The following C15orf39 variants were observed in gnomAD, a reference collection of about 807,000 sequenced individuals.
C15orf39 encodes the protein uncharacterized protein C15orf39.
C15orf39 carries 24 observed loss-of-function variants against 53.9 expected under a neutral mutation model. The observed-to-expected ratio is 0.45, with a 90% CI of 0.32 to 0.63. The LOEUF is 0.63. Ranked by LOEUF, C15orf39 falls within the 20% of genes least tolerant of loss-of-function variation. The pLI, the probability that C15orf39 is intolerant of heterozygous loss-of-function variation, is 0.04. For synonymous variants in C15orf39, 569 were observed against 576.5 expected, an observed-to-expected ratio of 0.99 and a Z score of 0.19; for missense variants, 1,271 against 1,347.9, an observed-to-expected ratio of 0.94 and a Z score of 0.89.
chr15:75,205,935 C>T, intron 1 of C15orf39, 64 bp from the exon 2 acceptor site: 1 of 1,077,448 alleles, frequency 9.3e-7, no homozygotes, highest in African/African-American at 1.6e-5. Flanking sequence ...AGAGCAGCAG[C>T]CCTCTGTTGC....
At chr15:75,210,712 A>G (rs375834076) in intron 2 of C15orf39, 37 bp from the exon 3 acceptor site, 13 of 1,565,506 alleles carry the variant, frequency 8.3e-6, no homozygotes, top group Non-Finnish European at 1.1e-5. Context: ...ACCTGAGGGT[A>G]TGGGGTCTGC....
At chr15:75,201,379 A>G (rs1219907213), upstream of C15orf39, among the ~76,000 whole-genome samples, 1 of 152,140 alleles carries the variant, frequency 6.6e-6, no homozygotes, top group Non-Finnish European at 1.5e-5. This position sits in a 1 kb window ranked among gnomAD's most constrained non-coding sequence, Gnocchi z 4.7. Flanking sequence ...CCCTAGCAGG[A>G]GTCTGGAAAT....
In C15orf39 at chr15:75,210,941, C is replaced by T; in HGVS notation, c.2969C>T (p.Thr990Ile). 1 of 1,613,446 alleles carries T rather than the reference C, an allele frequency of 6.2e-7. No homozygotes were observed. Among genetic ancestry groups the T allele is most frequent in the Admixed American group, 1.7e-5 (1 of 60,030 alleles). The change falls in exon 3 of 3, where the codon ACC becomes ATC. Residue 990 changes from threonine (T) to isoleucine (I), a missense_variant. Physicochemically the swap from Thr to Ile is moderately conservative, Grantham distance 89. Transcript: ENST00000394987. Reference protein sequence around the residue: ...AGEESCGASPTPATSASPPGP... With the variant: ...AGEESCGASPIPATSASPPGP... ...GAAGAGTCCTGTGGTGCCTCCCCTA[C>T]CCCTGCTACCAGTGCCAGCCCACCT... is the stretch of plus-strand genomic sequence containing the variant.
Position 75,207,013 on chromosome 15 carries a change from G to A in C15orf39, c.965G>A (p.Ser322Asn). ...GGGTACCAGGCTGGTGGGCTGGGCAGCCCCTACCTGAGGCAGCAGGCAGCC... is the reference window on the plus strand; with the variant it reads ...GGGTACCAGGCTGGTGGGCTGGGCAACCCCTACCTGAGGCAGCAGGCAGCC... ...GTGYQAGGLG[S>N]PYLRQQAAQA... Residue 322 changes from serine (S) to asparagine (N), a missense_variant, in exon 2 of 3, where the codon AGC (serine) becomes AAC (asparagine). Coordinates refer to ENST00000394987, the MANE Select transcript of C15orf39 (RefSeq NM_015492.5). The A allele has an allele frequency of 1.9e-6, 3 of 1,604,076 alleles. No homozygotes were observed. Among genetic ancestry groups the A allele is most frequent in the East Asian group, 2.2e-5 (1 of 44,808 alleles).
chr15:75,205,907 T>G, intron 1 of C15orf39, 92 bp from the exon 2 acceptor site: 1 of 834,292 alleles, frequency 1.2e-6, no homozygotes, highest in Admixed American at 2.9e-5. Flanking sequence ...GGTTCTTAGG[T>G]GTAGCCGTGA....
At chr15:75,204,133 T>TG (rs1467527418) in intron 1 of C15orf39, among the ~76,000 whole-genome samples, 1 of 152,246 alleles carries the variant, frequency 6.6e-6, no homozygotes, top group Non-Finnish European at 1.5e-5. Context: ...AGGAGAGGGC[T>TG]GGTCCTTGCT....
rs1194843607 is a variant in C15orf39, at chr15:75,210,772, G to C, written c.2800G>C (p.Ala934Pro). 3 of 1,609,516 alleles carry C rather than the reference G, an allele frequency of 1.9e-6. No individual in the cohort carries two copies. The highest frequency in any genetic ancestry group is 2.6e-6 in the Non-Finnish European group (3 of 1,176,450). ...QLGDFDTEAG[A>P]VSSSEPTVAR... ...AGGTGACTTTGACACTGAGGCTGGAGCTGTGTCCTCCTCAGAGCCCACTGT... is the reference window on the plus strand; with the variant it reads ...AGGTGACTTTGACACTGAGGCTGGACCTGTGTCCTCCTCAGAGCCCACTGT... The change falls in exon 3 of 3, where the codon GCT becomes CCT. Residue 934 changes from alanine (A) to proline (P), a missense_variant. Coordinates refer to ENST00000394987, the MANE Select transcript of C15orf39 (RefSeq NM_015492.5).
chr15:75,203,469 C>G (rs534902370), intron 1 of C15orf39, among the ~76,000 whole-genome samples: 1 of 152,334 alleles, frequency 6.6e-6, no homozygotes, highest in East Asian at 1.9e-4. Context: ...GAGGAGTCGT[C>G]TCCCTTGAGA....
chr15:75,205,029 T>G (rs1014149297), intron 1 of C15orf39, among the ~76,000 whole-genome samples: 1 of 152,046 alleles, frequency 6.6e-6, no homozygotes, highest in Non-Finnish European at 1.5e-5. Context: ...CAGACTGATG[T>G]CCCCAGTTAC....
intron 2 of C15orf39, among the ~76,000 whole-genome samples, chr15:75,210,220 A>G (rs1163253941): frequency 6.6e-6 from 1 of 151,220 alleles, no homozygotes; most frequent in African/African-American, 2.4e-5. Flanking sequence ...CCCTGTCCTC[A>G]CTCCCTCCCA....
At position 75,208,194 on chromosome 15, in the gene C15orf39, G is replaced by T; in HGVS notation, c.2146G>T (p.Val716Leu). Residue 716 changes from valine to leucine, a missense_variant, in exon 2 of 3, where the codon GTG (valine) becomes TTG (leucine). This residue lies in a region of C15orf39 where 994 missense variants were observed against 993.7 expected (regional missense o/e 1.00). Transcript: ENST00000394987. ...LALPSPPAVA[V>L]ASPAPAPAPS... ...ACTGCCCAGCCCTCCAGCCGTAGCT[G>T]TGGCCTCCCCTGCCCCTGCTCCAGC... 6.2e-7 allele frequency: 1 copy of T among 1,613,896 alleles called. No homozygotes were observed. The highest frequency in any genetic ancestry group is 8.5e-7 in the Non-Finnish European group (1 of 1,180,034).
intron 1 of C15orf39, among the ~76,000 whole-genome samples, chr15:75,204,486 CT>C (rs1157930502): frequency 6.6e-6 from 1 of 151,302 alleles, no homozygotes; most frequent in Admixed American, 6.6e-5. Context: ...CTTTTCTTTT[CT>C]TTTTTTTTGT....
rs562910562 is a variant in C15orf39, at chr15:75,209,792, G to A, written c.2777-957G>A. ...AGAAACTGTTCCTAGTTCCATCCCC[G>A]TAGTGGCAGCCTTGCCCCGGGCCCT... On this transcript the variant is annotated intron_variant, in intron 2 of 2. Coordinates refer to ENST00000394987, the MANE Select transcript of C15orf39 (RefSeq NM_015492.5). 5.9e-5 allele frequency among the ~76,000 whole-genome samples: 9 copies of A among 152,258 alleles called. No homozygotes were observed. The East Asian group carries it at 1.5e-3, about 26-fold the overall frequency.
In C15orf39 at chr15:75,210,936, C is replaced by A; in HGVS notation, c.2964C>A (p.Ser988=). Residue 988 remains serine, a synonymous_variant, in exon 3 of 3, where the codon TCC becomes TCA. Transcript: ENST00000394987. ...CTGGGGAAGAGTCCTGTGGTGCCTC[C>A]CCTACCCCTGCTACCAGTGCCAGCC... ...AAAGEESCGA[S]PTPATSASPP... The A allele has an allele frequency of 6.2e-7, 1 of 1,613,454 alleles. No homozygotes were observed. The highest frequency in any genetic ancestry group is 8.5e-7 in the Non-Finnish European group (1 of 1,179,998).
Position 75,211,996 on chromosome 15 carries a change from G to C in C15orf39, c.*880G>C, listed in dbSNP as rs1447762915. The C allele has an allele frequency of 2.6e-5, 4 of 152,250 alleles. No individual in the cohort carries two copies. The highest frequency in any genetic ancestry group is 9.6e-5 in the African/African-American group (4 of 41,456). The allele number at this position is 152,250 out of a possible 1,614,324, so 9.4% of individuals were successfully genotyped here. A position where few individuals can be genotyped will look rare whatever the true frequency, so the allele number is the denominator to read the frequency against. On this transcript the variant is annotated 3_prime_UTR_variant, in exon 3 of 3. Coordinates refer to ENST00000394987, the MANE Select transcript of C15orf39 (RefSeq NM_015492.5). Reference sequence around the variant, plus strand: ...GAAGGTCTCTGAAGATCTGGACTGAGGACCCTGCTGCTCCCCAAGCCAGAG... The same window carrying C: ...GAAGGTCTCTGAAGATCTGGACTGACGACCCTGCTGCTCCCCAAGCCAGAG...
At chr15:75,204,454 C>T (rs1284703687) in intron 1 of C15orf39, among the ~76,000 whole-genome samples, 4 of 152,166 alleles carry the variant, frequency 2.6e-5, no homozygotes, top group African/African-American at 9.7e-5. Flanking sequence ...CTGGGGCCTC[C>T]CTCCCTGGAC....
rs3743211 is a variant in C15orf39, at chr15:75,210,806, G to A, written c.2834G>A (p.Gly945Asp). 1,598,973 of 1,613,908 alleles carry A rather than the reference G, an allele frequency of 0.99. 792,783 individuals carry two copies. Among genetic ancestry groups the A allele is most frequent in the Non-Finnish European group, 1 (1,179,418 of 1,179,998 alleles). Reference sequence around the variant, plus strand: ...TCCTCAGAGCCCACTGTGGCCAGAGGTGAGCCAGAGAGCCTAGCCCTGGCT... The same window carrying A: ...TCCTCAGAGCCCACTGTGGCCAGAGATGAGCCAGAGAGCCTAGCCCTGGCT... ...VSSSEPTVARGEPESLALAQK... is the reference protein window; with the variant it reads ...VSSSEPTVARDEPESLALAQK... Residue 945 changes from glycine (G) to aspartate (D), a missense_variant, in exon 3 of 3, where the codon GGT becomes GAT. This residue lies in a region of C15orf39 where 277 missense variants were observed against 354.1 expected (regional missense o/e 0.78). Coordinates refer to ENST00000394987, the MANE Select transcript of C15orf39 (RefSeq NM_015492.5).
chr15:75,211,273 AG>A lies in C15orf39; in HGVS notation c.*158del. 3.1e-6 allele frequency: 3 copies of A among 975,776 alleles called. No homozygotes were observed. The East Asian group carries it at 7.9e-5, about 26-fold the overall frequency. 60.4% of individuals were successfully genotyped at this position (975,776 alleles called of 1,614,324 possible). A position where few individuals can be genotyped will look rare whatever the true frequency, so the allele number is the denominator to read the frequency against. ...GTGGCCCATTCAGGGTGGGCTGAAG[AG>A]CCCCTGAGCTTTTAACGTGAGGGTC... On this transcript the variant is annotated 3_prime_UTR_variant, in exon 3 of 3. Coordinates refer to ENST00000394987, the MANE Select transcript of C15orf39 (RefSeq NM_015492.5).
chr15:75,208,571 C>T lies in C15orf39; in HGVS notation c.2523C>T (p.Ala841=), dbSNP rs1461099024. The change falls in exon 2 of 3, where the codon GCC becomes GCT. Residue 841 remains alanine, a synonymous_variant. Coordinates refer to ENST00000394987, the MANE Select transcript of C15orf39 (RefSeq NM_015492.5). ...TCCCCCATGTGGTGCGAGCTGGCGC[C>T]ATCTTCGTGCCCATTCACCTGGTGA... ...CPFPHVVRAG[A]IFVPIHLVKE... is the part of the protein sequence containing the mutation. 2 of 1,573,874 alleles carry T rather than the reference C, an allele frequency of 1.3e-6. No individual in the cohort carries two copies. Among genetic ancestry groups the T allele is most frequent in the African/African-American group, 1.3e-5 (1 of 74,170 alleles).
Sources: allele counts gnomAD v4.1 joint callset (sites outside exome capture counted in the v4.1 genomes callset), GRCh38; gene constraint gnomAD v4.1.1; regional missense constraint gnomAD v4.1.1; non-coding constraint Gnocchi (gnomAD v3.1); transcripts MANE v1.5; gene names NCBI Gene and HGNC (gene_info 2026-07-23, HGNC 2026-07-21).